Variants in HP1BP3 observed in about 807,000 individuals in gnomAD.
HP1BP3 encodes the protein heterochromatin protein 1-binding protein 3.
In HP1BP3, 12 loss-of-function variants were observed where a neutral mutation model predicts 62.5. The observed-to-expected ratio is 0.19, with a 90% CI of 0.12 to 0.31. The LOEUF (loss-of-function observed/expected upper bound fraction) is 0.31, where lower values mean the gene tolerates loss of function less well. Ranked by LOEUF, HP1BP3 falls within the 10% of genes least tolerant of loss-of-function variation. The probability of loss-of-function intolerance (pLI) is 1.00; values close to 1 mark genes in which losing one functional copy is unlikely to be tolerated. For synonymous variants in HP1BP3, 260 were observed against 237.8 expected (o/e 1.09, Z -0.86); for missense variants, 502 against 651.8 (o/e 0.77, Z 2.50).
At chr1:20,785,844 C>A (rs1360782172) in intron 1 of HP1BP3, among the ~76,000 whole-genome samples, 2 of 152,146 alleles carry the variant, frequency 1.3e-5, no homozygotes, top group Non-Finnish European at 2.9e-5. Context: ...AATGAAAAAT[C>A]AAAAAGCTAA....
At position 20,757,270 on chromosome 1, in the gene HP1BP3, C is replaced by G. The variant is rs573353848; in HGVS notation, c.891-14G>C. 1.5e-6 allele frequency: 2 copies of G among 1,365,122 alleles called. No individual in the cohort carries two copies. The highest frequency in any genetic ancestry group is 2.0e-6 in the Non-Finnish European group (2 of 1,013,988). 84.6% of individuals were successfully genotyped at this position (1,365,122 alleles called of 1,614,324 possible). ...AACAGCTGAGGCCTGCAAAGAAAAA[C>G]AAAAAAAAAATAGTGATAAATACAT... On this transcript the variant is annotated splice_polypyrimidine_tract_variant and intron_variant, in intron 8 of 12. Transcript: ENST00000438032.
In HP1BP3 at chr1:20,771,077, G is replaced by A. The variant is rs1230927092; in HGVS notation, c.511-4C>T. The A allele has an allele frequency of 3.8e-6, 6 of 1,589,972 alleles. No homozygotes were observed. Among genetic ancestry groups the A allele is most frequent in the Non-Finnish European group, 5.1e-6 (6 of 1,171,724 alleles). The stretch of plus-strand genomic sequence containing the variant: ...CACCACTCTTCTGGAAGCATGCCTA[G>A]AAAAGATTTATTAAACTAGTTGTTT... On this transcript the variant is annotated splice_region_variant and splice_polypyrimidine_tract_variant and intron_variant, in intron 5 of 12. Transcript: ENST00000438032.
intron 8 of HP1BP3, among the ~76,000 whole-genome samples, chr1:20,759,878 C>CT: frequency 8.2e-6 from 1 of 122,544 alleles, no homozygotes; most frequent in African/African-American, 3.4e-5. Flanking sequence ...TTTTAAAGAC[C>CT]GATTTTTTTT....
chr1:20,754,135 T>TA (rs1207095561), intron 9 of HP1BP3, among the ~76,000 whole-genome samples: 54 of 152,316 alleles, frequency 3.5e-4, no homozygotes, highest in African/African-American at 1.2e-3. Context: ...AAGAAACTAC[T>TA]ACAACTGGTG....
intron 7 of HP1BP3, among the ~76,000 whole-genome samples, chr1:20,766,463 G>A (rs1349606793): frequency 2.0e-5 from 3 of 151,746 alleles, no homozygotes; most frequent in Non-Finnish European, 4.4e-5. Flanking sequence ...AAAAAAAAAA[G>A]GTGTAGAAAA....
At chr1:20,759,156 T>C (rs1421419861) in intron 8 of HP1BP3, among the ~76,000 whole-genome samples, 2 of 152,188 alleles carry the variant, frequency 1.3e-5, no homozygotes, top group Non-Finnish European at 2.9e-5. Flanking sequence ...ATCCCAGAAC[T>C]CTGGGGGGCC....
chr1:20,767,846 G>A (rs2056860553), intron 6 of HP1BP3, among the ~76,000 whole-genome samples, 182 bp from the exon 7 acceptor site: 1 of 151,388 alleles, frequency 6.6e-6, no homozygotes, highest in Non-Finnish European at 1.5e-5. Context: ...ATACCATCTA[G>A]CTGATGCTGA....
In HP1BP3 at chr1:20,745,590, CTCATCT is replaced by C. The variant is rs984177798; in HGVS notation, c.1314_1319del (p.Asp439_Glu440del). On this transcript the variant is annotated inframe_deletion, in exon 12 of 13. Transcript: ENST00000438032. ...CATCCTCAGAGTCTTCTTCTGATGA[CTCATCT>C]TCATCTTCATCCTCATCTCTAGAAT... 1.2e-5 allele frequency: 19 copies of C among 1,613,302 alleles called. 1 individual carries two copies. Among genetic ancestry groups the C allele is most frequent in the Non-Finnish European group, 1.5e-5 (18 of 1,179,386 alleles).
chr1:20,783,422 G>A (rs2154541699), intron 1 of HP1BP3, among the ~76,000 whole-genome samples: 1 of 152,180 alleles, frequency 6.6e-6, no homozygotes, highest in South Asian at 2.1e-4. Context: ...AGGAGGCTGA[G>A]GGAGAAGAAT....
At chr1:20,770,778 C>CTAT in intron 6 of HP1BP3, 152 bp downstream of exon 6, 1 of 587,504 alleles carries the variant, frequency 1.7e-6, no homozygotes, top group Non-Finnish European at 2.8e-6. Context: ...GAAACCTAGC[C>CTAT]TCAGATAATT....
intron 6 of HP1BP3, among the ~76,000 whole-genome samples, chr1:20,768,448 A>AAAAC: frequency 6.6e-6 from 1 of 152,324 alleles, no homozygotes; most frequent in South Asian, 2.1e-4. Context: ...TCCGTCTCAA[A>AAAAC]AAACAAACAA....
At chr1:20,750,913 G>T (rs1570560040) in intron 9 of HP1BP3, among the ~76,000 whole-genome samples, 1 of 150,814 alleles carries the variant, frequency 6.6e-6, no homozygotes, top group African/African-American at 2.4e-5. Context: ...GGTCTCCTGG[G>T]TTTAAGCAAT....
chr1:20,773,102 A>G (rs1263207052), intron 5 of HP1BP3, among the ~76,000 whole-genome samples: 1 of 152,194 alleles, frequency 6.6e-6, no homozygotes, highest in Non-Finnish European at 1.5e-5. Flanking sequence ...TAGTTAATTC[A>G]CCACTAGCAG....
intron 6 of HP1BP3, among the ~76,000 whole-genome samples, chr1:20,770,167 C>T (rs1011813867): frequency 6.6e-6 from 1 of 152,126 alleles, no homozygotes; most frequent in Non-Finnish European, 1.5e-5. Context: ...ACATTTCACT[C>T]GGGTTTCTCT....
At chr1:20,771,703 C>T (rs1459388165) in intron 5 of HP1BP3, among the ~76,000 whole-genome samples, 1 of 152,160 alleles carries the variant, frequency 6.6e-6, no homozygotes, top group Non-Finnish European at 1.5e-5. Flanking sequence ...CTCATTATGT[C>T]ACAAAGGCAG....
chr1:20,776,035 A>G, intron 4 of HP1BP3: 3 of 1,479,484 alleles, frequency 2.0e-6, no homozygotes, highest in Non-Finnish European at 2.7e-6. Flanking sequence ...AAAATTAAAA[A>G]TTAAAAAGTA....
chr1:20,784,973 T>C lies in HP1BP3; in HGVS notation c.-101+2222A>G, dbSNP rs575940759. Among the ~76,000 whole-genome samples, 5 of 152,098 alleles carry C rather than the reference T, an allele frequency of 3.3e-5. No individual in the cohort carries two copies. The East Asian group carries it at 7.8e-4, about 24-fold the overall frequency. On this transcript the variant is annotated intron_variant, in intron 1 of 12. Transcript: ENST00000438032. Reference sequence around the variant, plus strand: ...TTTGAGACAGAGTCTCAGTCTGGAGTACAGTGGCATGACCAGGGATCACTG... The same window carrying C: ...TTTGAGACAGAGTCTCAGTCTGGAGCACAGTGGCATGACCAGGGATCACTG...
chr1:20,785,869 A>G (rs2057798871), intron 1 of HP1BP3, among the ~76,000 whole-genome samples: 1 of 152,208 alleles, frequency 6.6e-6, no homozygotes, highest in African/African-American at 2.4e-5. Context: ...TTTTTTGCCT[A>G]TGTCAGGTTA....
Position 20,742,921 on chromosome 1 carries a change from G to A in HP1BP3, c.*1876C>T, listed in dbSNP as rs1265850145. The A allele has an allele frequency of 6.6e-6, 1 of 152,592 alleles. No homozygotes were observed. Among genetic ancestry groups the A allele is most frequent in the African/African-American group, 2.4e-5 (1 of 41,442 alleles). The allele number at this position is 152,592 out of a possible 1,614,324, so 9.5% of individuals were successfully genotyped here. A position where few individuals can be genotyped will look rare whatever the true frequency, so the allele number is the denominator to read the frequency against. ...AATGAATAAGAAACAAACATCTTTT[G>A]CCTCTGGCAGTACTCAAGGGGCCAG... On this transcript the variant is annotated 3_prime_UTR_variant, in exon 13 of 13. Coordinates refer to ENST00000438032, the MANE Select transcript of HP1BP3 (RefSeq NM_001372052.1).
Sources: gnomAD v4.1 joint callset for allele counts (sites outside exome capture counted in the v4.1 genomes callset) on GRCh38, gnomAD v4.1.1 for gene constraint, MANE v1.5 for transcripts, NCBI Gene and HGNC (gene_info 2026-07-23, HGNC 2026-07-21) for gene names.